The following GRIA1 variants were observed in gnomAD, a reference collection of about 807,000 sequenced individuals.
The protein encoded by GRIA1 is glutamate ionotropic receptor AMPA type subunit 1, also known as glutamate receptor 1.
A neutral mutation model predicts 99.2 loss-of-function variants in GRIA1; 31 were observed. The observed-to-expected ratio is 0.31, with a 90% CI of 0.23 to 0.42. The LOEUF (loss-of-function observed/expected upper bound fraction) is 0.42. GRIA1 is among the 10% of genes least tolerant of loss of function. The pLI, the probability that GRIA1 is intolerant of heterozygous loss-of-function variation, is 1.00. For missense variants in GRIA1, 782 were observed against 1,157.5 expected (o/e 0.68, Z 4.71); for synonymous variants, 438 against 432.4 (o/e 1.01, Z -0.16).
chr5:153,579,727 T>C (rs1762878824), intron 2 of GRIA1, among the ~76,000 whole-genome samples: 2 of 152,086 alleles, frequency 1.3e-5, no homozygotes, highest in African/African-American at 4.8e-5. Flanking sequence ...AGTATTCCAA[T>C]TGGAGAAATG....
At chr5:153,772,414 T>C (rs1170380418) in intron 13 of GRIA1, among the ~76,000 whole-genome samples, 1 of 152,110 alleles carries the variant, frequency 6.6e-6, no homozygotes, top group Non-Finnish European at 1.5e-5. Context: ...AGCCACTAAG[T>C]GTTCTTGGAA....
chr5:153,633,724 A>C (rs1051756699), intron 2 of GRIA1, among the ~76,000 whole-genome samples: 1 of 152,198 alleles, frequency 6.6e-6, no homozygotes, highest in Admixed American at 6.5e-5. Context: ...AATAACTCCC[A>C]AAGAGGAGAA....
intron 2 of GRIA1, among the ~76,000 whole-genome samples, chr5:153,552,238 CA>C (rs1027907679): frequency 8.2e-5 from 9 of 109,502 alleles, no homozygotes; most frequent in African/African-American, 2.0e-4. Context: ...GGATTTTCAG[CA>C]AAAAAAAAGA....
At chr5:153,745,384 T>G (rs574622397) in intron 11 of GRIA1, among the ~76,000 whole-genome samples, 1 of 151,710 alleles carries the variant, frequency 6.6e-6, no homozygotes, top group African/African-American at 2.4e-5. Context: ...GGTCAGGAGT[T>G]TGAGACCAGC....
chr5:153,549,213 GTTCTCAT>G, intron 2 of GRIA1, among the ~76,000 whole-genome samples: 2 of 152,276 alleles, frequency 1.3e-5, no homozygotes, highest in South Asian at 4.1e-4. Flanking sequence ...AATGATCCCT[GTTCTCAT>G]CATTGTTCAG....
At chr5:153,625,810 A>G (rs546490614) in intron 2 of GRIA1, among the ~76,000 whole-genome samples, 122 of 152,220 alleles carry the variant, frequency 8.0e-4, no homozygotes, top group Admixed American at 2.4e-3. Context: ...CTTTGCACAC[A>G]GTAACTTATT....
Position 153,493,956 on chromosome 5 carries a change from G to A in GRIA1, c.111G>A (p.Gln37=), listed in dbSNP as rs747584809. 3.1e-6 allele frequency: 5 copies of A among 1,614,056 alleles called. No individual in the cohort carries two copies. The highest frequency in any genetic ancestry group is 4.2e-6 in the Non-Finnish European group (5 of 1,179,944). Residue 37 remains glutamine (Q), a synonymous_variant, in exon 2 of 16, where the codon CAG becomes CAA. Transcript: ENST00000285900. ...IGGLFPNQQS[Q]EHAAFRFALS... ...GATTATTTCCAAACCAGCAGTCACA[G>A]GAACATGCTGCTTTTAGATTTGCTT...
intron 2 of GRIA1, among the ~76,000 whole-genome samples, chr5:153,608,558 C>T (rs999647382): frequency 1.3e-5 from 2 of 152,194 alleles, no homozygotes; most frequent in African/African-American, 4.8e-5. Context: ...AGATGCCAGT[C>T]ATTATACTGT....
At chr5:153,747,217 T>C (rs921557788) in intron 11 of GRIA1, among the ~76,000 whole-genome samples, 1 of 152,098 alleles carries the variant, frequency 6.6e-6, no homozygotes, top group African/African-American at 2.4e-5. Context: ...CTTTTACTCA[T>C]GGCAGAAGGC....
chr5:153,690,940 G>T (rs1006318784), intron 8 of GRIA1, among the ~76,000 whole-genome samples: 6 of 152,150 alleles, frequency 3.9e-5, no homozygotes, highest in Admixed American at 3.3e-4. Context: ...TAGTTGTACT[G>T]GTTTCAGTGA....
At chr5:153,740,906 C>G (rs958762684) in intron 11 of GRIA1, among the ~76,000 whole-genome samples, 3 of 150,688 alleles carry the variant, frequency 2.0e-5, no homozygotes, top group African/African-American at 2.4e-5. Context: ...AGATACGTAA[C>G]CTGAGCAAGA....
intron 3 of GRIA1, 146 bp downstream of exon 3, chr5:153,647,313 C>A: frequency 1.0e-6 from 1 of 986,218 alleles, no homozygotes; most frequent in Non-Finnish European, 1.5e-6. Flanking sequence ...ACTGATTTAT[C>A]AGTAGCTGAC....
chr5:153,535,585 T>C (rs11744176), intron 2 of GRIA1, among the ~76,000 whole-genome samples: 100,785 of 152,114 alleles, frequency 0.66, 33,831 homozygotes, highest in East Asian at 0.83. Flanking sequence ...AGGTGAGTAA[T>C]GTGAATGTGA....
chr5:153,706,128 G>T (rs1315574442), intron 11 of GRIA1, 61 bp downstream of exon 11: 4 of 1,503,586 alleles, frequency 2.7e-6, no homozygotes, highest in African/African-American at 2.8e-5. Flanking sequence ...TTGTTTGTTT[G>T]TTTGTTTTTT....
intron 2 of GRIA1, among the ~76,000 whole-genome samples, chr5:153,644,886 G>A (rs1174783566): frequency 6.6e-6 from 1 of 151,820 alleles, no homozygotes; most frequent in Non-Finnish European, 1.5e-5. Context: ...GAAAGCCAGT[G>A]TGGCTACAGC....
chr5:153,498,797 A>G (rs1428293273), intron 2 of GRIA1, among the ~76,000 whole-genome samples: 1 of 152,122 alleles, frequency 6.6e-6, no homozygotes, highest in Non-Finnish European at 1.5e-5. Context: ...TCTATTTTCT[A>G]GAGCTGAGAA....
At chr5:153,654,290 G>T (rs548352726) in intron 4 of GRIA1, among the ~76,000 whole-genome samples, 10 of 152,264 alleles carry the variant, frequency 6.6e-5, no homozygotes, top group African/African-American at 2.4e-4. Context: ...ATATGAAATT[G>T]CCAGTTTTTA....
chr5:153,724,622 C>A (rs1335588876), intron 11 of GRIA1, among the ~76,000 whole-genome samples: 3 of 151,996 alleles, frequency 2.0e-5, no homozygotes, highest in Non-Finnish European at 2.9e-5. Context: ...GGAGCCGATG[C>A]GATCAACTGG....
At chr5:153,758,979 T>G (rs1343033639) in intron 11 of GRIA1, among the ~76,000 whole-genome samples, 1 of 151,736 alleles carries the variant, frequency 6.6e-6, no homozygotes, top group African/African-American at 2.4e-5. Context: ...TAAACAACAT[T>G]CTCCTGAACA....
Sources: gnomAD v4.1 joint callset for allele counts (sites outside exome capture counted in the v4.1 genomes callset) on GRCh38, gnomAD v4.1.1 for gene constraint, MANE v1.5 for transcripts, NCBI Gene and HGNC (gene_info 2026-07-23, HGNC 2026-07-21) for gene names.